The following NDE1 variants were observed in gnomAD, a reference collection of about 807,000 sequenced individuals.
NDE1 encodes the protein nuclear distribution protein nudE homolog 1.
Under a neutral mutation model 43.4 loss-of-function variants are expected in NDE1, and 28 were observed. The observed-to-expected ratio is 0.65, with a 90% CI of 0.48 to 0.89. The LOEUF (loss-of-function observed/expected upper bound fraction) is 0.89, where lower values mean the gene tolerates loss of function less well. NDE1 is among the 40% of genes least tolerant of loss of function. The probability of loss-of-function intolerance (pLI) is 0.00; values close to 1 mark genes in which losing one functional copy is unlikely to be tolerated. For missense variants in NDE1, 441 were observed against 434.1 expected, an observed-to-expected ratio of 1.02 and a Z score of -0.14; for synonymous variants, 184 against 172.0, an observed-to-expected ratio of 1.07 and a Z score of -0.55.
Position 15,656,788 on chromosome 16 carries a change from G to A in NDE1, c.-44+6494G>A, listed in dbSNP as rs1438193043. Reference sequence around the variant, plus strand: ...ACTCCTGGCTTCAAGTGATCTACCCGCTGTGGCCTCCCAAAGTATCAGGAT... The same window carrying A: ...ACTCCTGGCTTCAAGTGATCTACCCACTGTGGCCTCCCAAAGTATCAGGAT... On this transcript the variant is annotated intron_variant, in intron 1 of 8. Coordinates refer to ENST00000396354, the MANE Select transcript of NDE1 (RefSeq NM_017668.3). 2.0e-5 allele frequency among the ~76,000 whole-genome samples: 3 copies of A among 152,018 alleles called. No homozygotes were observed. In the East Asian group the frequency reaches 5.8e-4, roughly 29 times the overall value.
At chr16:15,668,355 C>CA (rs1286571707) in intron 3 of NDE1, among the ~76,000 whole-genome samples, 4 of 151,954 alleles carry the variant, frequency 2.6e-5, no homozygotes, top group African/African-American at 9.7e-5. Context: ...GACTCCGTCT[C>CA]AAAAAAAACC....
At chr16:15,710,867 G>A (rs751007723) in intron 8 of NDE1, among the ~76,000 whole-genome samples, 5 of 152,062 alleles carry the variant, frequency 3.3e-5, no homozygotes, top group Non-Finnish European at 7.4e-5. Context: ...TAGTAGAGAT[G>A]AAGTTTCACC....
chr16:15,657,404 T>C (rs995267790), intron 1 of NDE1, among the ~76,000 whole-genome samples: 1 of 151,966 alleles, frequency 6.6e-6, no homozygotes, highest in Non-Finnish European at 1.5e-5. Context: ...CAGCCACCAA[T>C]ATCTTAATGG....
At chr16:15,691,872 G>A (rs1441901329) in intron 6 of NDE1, among the ~76,000 whole-genome samples, 3 of 151,650 alleles carry the variant, frequency 2.0e-5, no homozygotes, top group South Asian at 2.1e-4. Flanking sequence ...CAAGTGATCC[G>A]CCCACCTCGG....
At chr16:15,651,430 G>C (rs978319430) in intron 1 of NDE1, 1 of 126,316 alleles carries the variant, frequency 7.9e-6, no homozygotes. Flanking sequence ...TATACAACCC[G>C]TTTTTTTTTT....
At chr16:15,676,454 C>T (rs1335103051) in intron 3 of NDE1, among the ~76,000 whole-genome samples, 1 of 151,990 alleles carries the variant, frequency 6.6e-6, no homozygotes, top group African/African-American at 2.4e-5. Flanking sequence ...TCAGGTGATC[C>T]GCCCACCTCA....
At chr16:15,681,990 A>C (rs1300431311) in intron 4 of NDE1, among the ~76,000 whole-genome samples, 1 of 152,196 alleles carries the variant, frequency 6.6e-6, no homozygotes, top group African/African-American at 2.4e-5. Context: ...GTGCACTCCA[A>C]GGTTTATAAA....
chr16:15,658,038 T>G (rs1331650421), intron 1 of NDE1, among the ~76,000 whole-genome samples: 1 of 152,152 alleles, frequency 6.6e-6, no homozygotes, highest in Non-Finnish European at 1.5e-5. Context: ...TTAAATCAGG[T>G]GTGGCTGCAT....
intron 1 of NDE1, among the ~76,000 whole-genome samples, chr16:15,662,106 T>A (rs2037075460): frequency 6.6e-6 from 1 of 151,804 alleles, no homozygotes; most frequent in Non-Finnish European, 1.5e-5. Context: ...TCTAATTTTT[T>A]AAAAAGTTTT....
chr16:15,721,097 G>A (rs1188446264), intron 8 of NDE1: 36 of 1,601,350 alleles, frequency 2.2e-5, no homozygotes, highest in Non-Finnish European at 2.8e-5. Context: ...TCAACTTCAT[G>A]AAGACGATTG....
Position 15,677,726 on chromosome 16 carries a change from G to A in NDE1, c.238-75G>A, listed in dbSNP as rs111894076. ...AGCCTCCCGAGTAGCTGTGACTCCAGGTGGATGTGTGCTACTGTGTCTAGC... is the reference window on the plus strand; with the variant it reads ...AGCCTCCCGAGTAGCTGTGACTCCAAGTGGATGTGTGCTACTGTGTCTAGC... On this transcript the variant is annotated intron_variant, in intron 3 of 8. Transcript: ENST00000396354. 3.2e-6 allele frequency: 5 copies of A among 1,549,714 alleles called. No homozygotes were observed. The African/African-American group carries it at 4.1e-5, about 13-fold the overall frequency.
At chr16:15,705,984 C>CAGAAAAAAAA (rs2039427992) in intron 8 of NDE1, among the ~76,000 whole-genome samples, 1 of 56,768 alleles carries the variant, frequency 1.8e-5, no homozygotes, top group Non-Finnish European at 2.8e-5. Flanking sequence ...GACTCCGTCT[C>CAGAAAAAAAA]AAAAAAAAAA....
At chr16:15,662,241 T>G (rs1268103006) in intron 1 of NDE1, among the ~76,000 whole-genome samples, 1 of 151,248 alleles carries the variant, frequency 6.6e-6, no homozygotes, top group Non-Finnish European at 1.5e-5. Flanking sequence ...ACCTGGCCTA[T>G]TCTCACTTTC....
intron 8 of NDE1, chr16:15,718,805 G>A: frequency 4.8e-6 from 2 of 415,604 alleles, no homozygotes; most frequent in Middle Eastern, 1.5e-3. Flanking sequence ...CCCAATCTCA[G>A]AGGACGCTTC....
rs773870265 is a variant in NDE1, at chr16:15,691,306, C to G, written c.686C>G (p.Pro229Arg). ...GGACCCAGCTCAAGTTTAAACACAC[C>G]TGGGAGCTTCAGACGTGGTAAGGGG... ...HRGPSSSLNTPGSFRRGLDDS... is the reference protein window; with the variant it reads ...HRGPSSSLNTRGSFRRGLDDS... The change falls in exon 6 of 9, where the codon CCT (proline) becomes CGT (arginine). Residue 229 changes from proline to arginine, a missense_variant. Transcript: ENST00000396354. 1.9e-6 allele frequency: 3 copies of G among 1,614,090 alleles called. No homozygotes were observed. The highest frequency in any genetic ancestry group is 2.5e-6 in the Non-Finnish European group (3 of 1,180,024).
chr16:15,670,483 C>T (rs919530088), intron 3 of NDE1, among the ~76,000 whole-genome samples: 36 of 152,038 alleles, frequency 2.4e-4, no homozygotes, highest in African/African-American at 8.7e-4. Flanking sequence ...CATGACAAAA[C>T]CCTGTCTCTA....
intron 8 of NDE1, among the ~76,000 whole-genome samples, chr16:15,704,735 T>C (rs764420554): frequency 7.2e-5 from 11 of 152,224 alleles, no homozygotes; most frequent in Admixed American, 2.0e-4. Context: ...TTTTCCCCAC[T>C]GCAGGGACTG....
intron 1 of NDE1, among the ~76,000 whole-genome samples, chr16:15,644,083 C>T (rs1298314375): frequency 2.6e-5 from 4 of 152,074 alleles, no homozygotes; most frequent in African/African-American, 9.7e-5. Context: ...CAGCTGATTA[C>T]TATTTTCTGT....
chr16:15,644,093 T>C (rs2036236184), intron 1 of NDE1, among the ~76,000 whole-genome samples: 2 of 152,220 alleles, frequency 1.3e-5, no homozygotes, highest in Admixed American at 6.5e-5. Flanking sequence ...CTATTTTCTG[T>C]TGCAAATTAG....
Sources: gnomAD v4.1 joint callset for allele counts (sites outside exome capture counted in the v4.1 genomes callset) on GRCh38, gnomAD v4.1.1 for gene constraint, MANE v1.5 for transcripts, NCBI Gene and HGNC (gene_info 2026-07-23, HGNC 2026-07-21) for gene names.